MUC4: variants seen among roughly 807,000 people sequenced by gnomAD.
The protein encoded by MUC4 is mucin 4, cell surface associated.
Under a neutral mutation model 257.9 loss-of-function variants are expected in MUC4, and 202 were observed. The observed-to-expected ratio is 0.78, with a 90% CI of 0.70 to 0.88. MUC4 has a LOEUF of 0.88. MUC4 is among the 40% of genes least tolerant of loss of function. MUC4 has a pLI of 0.00. For missense variants in MUC4, 5,976 were observed against 6,513.7 expected (o/e 0.92, Z 2.84); for synonymous variants, 2,351 against 2,757.1 (o/e 0.85, Z 4.62).
chr3:195,768,156 G>A (rs145014521), intron 7 of MUC4, among the ~76,000 whole-genome samples: 23 of 152,284 alleles, frequency 1.5e-4, no homozygotes, highest in Admixed American at 3.9e-4. Context: ...TACCTGGACC[G>A]TGTGAAATTC....
chr3:195,781,591 T>C lies in MUC4; in HGVS notation c.9989A>G (p.His3330Arg), dbSNP rs71187746. The C allele has an allele frequency of 8.2e-5, 50 of 608,450 alleles. No individual in the cohort carries two copies. The highest frequency in any genetic ancestry group is 9.9e-5 in the Non-Finnish European group (48 of 485,988). The allele number at this position is 608,450 out of a possible 1,614,324, so 37.7% of individuals were successfully genotyped here. ...SASTGHATPL[H>R]VTSPSSASTG... ...GGATGCTGAGGAAGGGCTGGTGACA[T>C]GAAGAGGGGTGGCGTGACCTGTGGA... Residue 3330 changes from histidine to arginine, a missense_variant, in exon 2 of 25, where the codon CAT (histidine) becomes CGT (arginine). His to Arg is a conservative substitution (Grantham distance 29). This residue lies in a region of MUC4 where 72 missense variants were observed against 33.5 expected (regional missense o/e 2.15). Coordinates refer to ENST00000463781, the MANE Select transcript of MUC4 (RefSeq NM_018406.7).
At position 195,791,513 on chromosome 3, in the gene MUC4, A is replaced by C; in HGVS notation, c.83-16T>G. ...TCTGTGGTTCCTGGAGTGAACCAAA[A>C]TAGGCAAGCAGAGAGCTAAATCATG... On this transcript the variant is annotated splice_polypyrimidine_tract_variant and intron_variant, in intron 1 of 24. Transcript: ENST00000463781. The C allele has an allele frequency of 6.5e-7, 1 of 1,542,326 alleles. No homozygotes were observed. The highest frequency in any genetic ancestry group is 8.9e-7 in the Non-Finnish European group (1 of 1,117,354).
intron 4 of MUC4, among the ~76,000 whole-genome samples, chr3:195,773,424 CCTCT>C (rs761867824): frequency 1.2e-3 from 185 of 150,770 alleles, no homozygotes; most frequent in Admixed American, 2.1e-3. Context: ...GGGGTGGAAA[CCTCT>C]CTCTCACTCA....
chr3:195,775,382 GTACCTTCCACACCCA>G (rs1310898662), intron 3 of MUC4, among the ~76,000 whole-genome samples: 1 of 119,624 alleles, frequency 8.4e-6, no homozygotes, highest in Non-Finnish European at 1.8e-5. Context: ...TACCACACTC[GTACCTTCCACACCCA>G]TACCTTCCAC....
chr3:195,760,507 G>GGGTC lies in MUC4; in HGVS notation c.14848+376_14848+377insGACC, dbSNP rs1718573688. Reference sequence around the variant, plus strand: ...GGATGGAGTGGAGGGGGCTGGGAAGGCATCCAGCGCTAGGATGGATGGAGG... The same window carrying GGGTC: ...GGATGGAGTGGAGGGGGCTGGGAAGGGGTCCATCCAGCGCTAGGATGGATGGAGG... On this transcript the variant is annotated intron_variant, in intron 16 of 24. Coordinates refer to ENST00000463781, the MANE Select transcript of MUC4 (RefSeq NM_018406.7). Among the ~76,000 whole-genome samples, 4 of 111,050 alleles carry GGGTC rather than the reference G, an allele frequency of 3.6e-5. 1 individual carries two copies. Among genetic ancestry groups the GGGTC allele is most frequent in the African/African-American group, 1.2e-4 (4 of 34,562 alleles). 72.9% of individuals were successfully genotyped at this position (111,050 alleles called of 152,430 possible). A position where few individuals can be genotyped will look rare whatever the true frequency, so the allele number is the denominator to read the frequency against.
At chr3:195,796,604 C>T (rs912134518) in intron 1 of MUC4, among the ~76,000 whole-genome samples, 1 of 151,526 alleles carries the variant, frequency 6.6e-6, no homozygotes, top group Non-Finnish European at 1.5e-5. Flanking sequence ...GGCAGGAGAA[C>T]GGCGTGAACC....
At chr3:195,763,379 G>T in intron 12 of MUC4, 54 bp downstream of exon 12, 2 of 1,387,622 alleles carry the variant, frequency 1.4e-6, no homozygotes, top group Non-Finnish European at 1.9e-6. Flanking sequence ...TCAGTATGTG[G>T]CTGAAGGTCC....
At position 195,779,946 on chromosome 3, in the gene MUC4, A is replaced by G. The variant is rs768877612; in HGVS notation, c.11634T>C (p.Leu3878=). 7.0e-5 allele frequency: 103 copies of G among 1,469,926 alleles called. 18 individuals carry two copies. The highest frequency in any genetic ancestry group is 8.8e-5 in the Non-Finnish European group (98 of 1,111,306). 91.1% of individuals were successfully genotyped at this position (1,469,926 alleles called of 1,614,324 possible). ...TGGTGTCACCTGTGGAAGCTGAGGA[A>G]AGGCCGGTAACAGGAAGAGGGGTGG... is the stretch of plus-strand genomic sequence containing the variant. ...GHATPLPVTG[L]SSASTGDTTP... The change falls in exon 2 of 25, where the codon CTT becomes CTC. Residue 3878 remains leucine, a synonymous_variant. Transcript: ENST00000463781.
At chr3:195,751,486 G>A (rs1288138202) in intron 21 of MUC4, 2 of 600,056 alleles carry the variant, frequency 3.3e-6, no homozygotes, top group Non-Finnish European at 6.0e-6. Context: ...GAGAGTGAAG[G>A]GTTTTCCATT....
At chr3:195,758,133 G>C (rs1261595172) in intron 17 of MUC4, among the ~76,000 whole-genome samples, 1 of 152,234 alleles carries the variant, frequency 6.6e-6, no homozygotes, top group Non-Finnish European at 1.5e-5. Flanking sequence ...CTCAGAATTA[G>C]TGCTGGCAAC....
intron 9 of MUC4, 21 bp downstream of exon 9, chr3:195,765,249 G>A (rs764403775): frequency 9.4e-6 from 15 of 1,597,946 alleles, no homozygotes; most frequent in African/African-American, 4.0e-5. Context: ...GGGCTTGTGG[G>A]GGGCGGGAAG....
Position 195,789,158 on chromosome 3 carries a change from A to G in MUC4, c.2422T>C (p.Ser808Pro). 3.7e-6 allele frequency: 6 copies of G among 1,613,552 alleles called. No homozygotes were observed. The highest frequency in any genetic ancestry group is 2.7e-5 in the African/African-American group (2 of 74,900). The change falls in exon 2 of 25, where the codon TCC becomes CCC. Residue 808 changes from serine (S) to proline (P), a missense_variant. Around this residue, in one of 44 missense-constraint regions of MUC4, gnomAD observed 1,583 missense variants for 1,257.4 expected, o/e 1.26. Transcript: ENST00000463781. Reference protein sequence around the residue: ...TSAGTATPSSSGASGTTPSGS... With the variant: ...TSAGTATPSSPGASGTTPSGS... Reference sequence around the variant, plus strand: ...GAAGGTGTTGTGCCACTCGCCCCGGATGAGGAAGGGGTAGCTGTGCCCGCT... The same window carrying G: ...GAAGGTGTTGTGCCACTCGCCCCGGGTGAGGAAGGGGTAGCTGTGCCCGCT...
At chr3:195,766,489 C>T (rs552730262) in intron 8 of MUC4, among the ~76,000 whole-genome samples, 174 bp downstream of exon 8, 1 of 152,146 alleles carries the variant, frequency 6.6e-6, no homozygotes, top group East Asian at 1.9e-4. Flanking sequence ...GCCAGCTGCT[C>T]CCTGGGTGGT....
In MUC4 at chr3:195,763,433, C is replaced by G. The variant is rs1313471542; in HGVS notation, c.14253G>C (p.Thr4751=). The G allele has an allele frequency of 1.4e-6, 2 of 1,410,570 alleles. No homozygotes were observed. Among genetic ancestry groups the G allele is most frequent in the Admixed American group, 3.1e-5 (1 of 32,028 alleles). The allele number at this position is 1,410,570 out of a possible 1,614,324, so 87.4% of individuals were successfully genotyped here. A position where few individuals can be genotyped will look rare whatever the true frequency, so the allele number is the denominator to read the frequency against. The change falls in exon 12 of 25, where the codon ACG becomes ACC. Residue 4751 remains threonine (T), a splice_region_variant and synonymous_variant. Coordinates refer to ENST00000463781, the MANE Select transcript of MUC4 (RefSeq NM_018406.7). ...QYRSSSLGPV[T]VQWLLEPHDA... Reference sequence around the variant, plus strand: ...GAGGTTCCCGGCACCCCTCACTCACCGTGACGGGGCCCAGGCTGCTGGAGC... The same window carrying G: ...GAGGTTCCCGGCACCCCTCACTCACGGTGACGGGGCCCAGGCTGCTGGAGC...
At chr3:195,778,251 C>T (rs771194616) in intron 3 of MUC4, 52 bp downstream of exon 3, 157 of 1,531,692 alleles carry the variant, frequency 1.0e-4, no homozygotes, top group Non-Finnish European at 1.3e-4. Flanking sequence ...GAGAGGGAGC[C>T]TTCAGTTACA....
chr3:195,761,607 T>G, intron 14 of MUC4, 22 bp from the exon 15 acceptor site: 1 of 1,582,518 alleles, frequency 6.3e-7, no homozygotes, highest in Non-Finnish European at 8.7e-7. Context: ...AGTGGGAGGT[T>G]GGCCACCCTG....
chr3:195,767,564 CCACCACCAT>C (rs1191630957), intron 7 of MUC4, among the ~76,000 whole-genome samples: 1 of 34,670 alleles, frequency 2.9e-5, no homozygotes. Context: ...ATTACCATTG[CCACCACCAT>C]CACCACCACC....
rs1273737282 is a variant in MUC4, at chr3:195,746,906, G to GCA, written c.*268_*269dup. 1.1e-5 allele frequency: 6 copies of GCA among 550,582 alleles called. No individual in the cohort carries two copies. The East Asian group carries it at 1.2e-4, about 11-fold the overall frequency. The allele number at this position is 550,582 out of a possible 1,614,324, so 34.1% of individuals were successfully genotyped here. On this transcript the variant is annotated 3_prime_UTR_variant, in exon 25 of 25. Coordinates refer to ENST00000463781, the MANE Select transcript of MUC4 (RefSeq NM_018406.7). ...AACTCGTGTGTGTGTGTGTGTGTGT[G>GCA]CACGCGCGCGTGCACAGGCTAGTGT...
chr3:195,760,509 A>T (rs4561863), intron 16 of MUC4, among the ~76,000 whole-genome samples: 3 of 28,092 alleles, frequency 1.1e-4, no homozygotes, highest in Non-Finnish European at 2.8e-4. Context: ...CTGGGAAGGC[A>T]TCCAGCGCTA....
Sources: allele counts gnomAD v4.1 joint callset (sites outside exome capture counted in the v4.1 genomes callset), GRCh38; gene constraint gnomAD v4.1.1; regional missense constraint gnomAD v4.1.1; transcripts MANE v1.5; gene names NCBI Gene and HGNC (gene_info 2026-07-23, HGNC 2026-07-21).